Variants in DDHD2 observed in about 807,000 individuals in gnomAD.
DDHD2 encodes DDHD domain containing 2.
A neutral mutation model predicts 91.2 loss-of-function variants in DDHD2; 62 were observed. That is an observed-to-expected ratio of 0.68 (90% CI 0.55 to 0.84). DDHD2 has a LOEUF of 0.84. Ranked by LOEUF, DDHD2 falls within the 40% of genes least tolerant of loss-of-function variation. DDHD2 has a pLI of 0.00. For synonymous variants in DDHD2, 271 were observed against 293.9 expected (o/e 0.92, Z 0.80); for missense variants, 740 against 846.9 (o/e 0.87, Z 1.57).
At chr8:38,269,491 G>A (rs1808351327) in intron 1 of DDHD2, among the ~76,000 whole-genome samples, 1 of 152,204 alleles carries the variant, frequency 6.6e-6, no homozygotes, top group African/African-American at 2.4e-5. Flanking sequence ...CCACCGCGGG[G>A]AGCAGCCTTC....
chr8:38,266,043 C>T, downstream of DDHD2: 1 of 1,114,692 alleles, frequency 9.0e-7, no homozygotes. Flanking sequence ...TTAATTTGTT[C>T]ATTCAGCAGA....
At chr8:38,267,548 G>A (rs550154473), downstream of DDHD2, 2 of 793,308 alleles carry the variant, frequency 2.5e-6, no homozygotes, top group South Asian at 3.9e-5. Context: ...TAAGAGAAAA[G>A]CCTTTCAAGG....
intron 3 of DDHD2, among the ~76,000 whole-genome samples, chr8:38,235,149 G>C (rs1450115712): frequency 3.3e-5 from 5 of 152,120 alleles, no homozygotes; most frequent in Non-Finnish European, 5.9e-5. Flanking sequence ...ATATAACTCA[G>C]AATTGTATGT....
At chr8:38,264,254 T>A (rs1396688586), downstream of DDHD2, 8 of 741,978 alleles carry the variant, frequency 1.1e-5, no homozygotes, top group Admixed American at 1.7e-4. Context: ...TTCAAGCAAT[T>A]CTCCTACCTC....
rs201121892 is a variant in DDHD2, at chr8:38,234,566, C to G, written c.393C>G (p.Ser131Arg). 6.0e-5 allele frequency: 97 copies of G among 1,608,288 alleles called. No individual in the cohort carries two copies. The highest frequency in any genetic ancestry group is 1.6e-4 in the Middle Eastern group (1 of 6,080). The change falls in exon 3 of 18, where the codon AGC (serine) becomes AGG (arginine). Residue 131 changes from serine (S) to arginine (R), a missense_variant. By Grantham distance (110) the Ser-to-Arg change is moderately radical. Transcript: ENST00000397166. ...KDNKYVPYSESFSQVLEETYM... is the reference protein window; with the variant it reads ...KDNKYVPYSERFSQVLEETYM... ...ATAAGTATGTTCCCTACTCGGAGAG[C>G]TTCAGCCAAGTTTTAGAGGTATTCT...
downstream of DDHD2, chr8:38,271,552 G>A (rs1808483270): frequency 6.6e-6 from 1 of 152,066 alleles, no homozygotes; most frequent in Non-Finnish European, 1.5e-5. Flanking sequence ...GTATTCCCTA[G>A]TCCATCTGAA....
chr8:38,272,591 C>T (rs908997724), downstream of DDHD2: 12 of 152,204 alleles, frequency 7.9e-5, no homozygotes, highest in African/African-American at 2.7e-4. Context: ...CTTACTGATC[C>T]AGTTTCTGAA....
At chr8:38,272,673 T>A (rs1808511308), downstream of DDHD2, 1 of 152,204 alleles carries the variant, frequency 6.6e-6, no homozygotes, top group Non-Finnish European at 1.5e-5. Context: ...TTAAAAAAAA[T>A]ACCACCATTA....
At position 38,249,765 on chromosome 8, in the gene DDHD2, A is replaced by C. The variant is rs751444042; in HGVS notation, c.1306A>C (p.Lys436Gln). The change falls in exon 11 of 18, where the codon AAG becomes CAG. Residue 436 changes from lysine (K) to glutamine (Q), a missense_variant. By Grantham distance (53) the Lys-to-Gln change is moderately conservative (BLOSUM62 1). This residue lies in a region of DDHD2 where 693 missense variants were observed against 764.2 expected (regional missense o/e 0.91). Coordinates refer to ENST00000397166, the MANE Select transcript of DDHD2 (RefSeq NM_015214.3). The stretch of plus-strand genomic sequence containing the variant: ...AGGAATTCCTTTAGGACCAAGAAAG[A>C]AGATATTAAACTATTTCAGCACCAG... ...EIGIPLGPRK[K>Q]ILNYFSTRKN... is the part of the protein sequence containing the mutation. 23 of 1,612,292 alleles carry C rather than the reference A, an allele frequency of 1.4e-5. No homozygotes were observed. The highest frequency in any genetic ancestry group is 1.0e-4 in the Admixed American group (6 of 59,958).
At chr8:38,249,460 T>G (rs1351823449) in intron 10 of DDHD2, among the ~76,000 whole-genome samples, 1 of 151,674 alleles carries the variant, frequency 6.6e-6, no homozygotes, top group Non-Finnish European at 1.5e-5. Flanking sequence ...TCTCTGTTTT[T>G]TTTTTTTTTT....
At chr8:38,265,366 C>T (rs1401431429), downstream of DDHD2, among the ~76,000 whole-genome samples, 1 of 151,508 alleles carries the variant, frequency 6.6e-6, no homozygotes, top group East Asian at 1.9e-4. Context: ...ATACCTCCAG[C>T]GTTTTTTTTG....
downstream of DDHD2, chr8:38,266,504 G>T (rs1189018441): frequency 5.6e-6 from 3 of 531,276 alleles, no homozygotes; most frequent in Non-Finnish European, 1.0e-5. Flanking sequence ...GGGTTCAAGC[G>T]ATTCTCCTGC....
At chr8:38,268,358 G>C (rs1808045440) in intron 1 of DDHD2, 4 of 1,558,232 alleles carry the variant, frequency 2.6e-6, no homozygotes, top group Non-Finnish European at 3.5e-6. Context: ...GGCCCGAAAG[G>C]GCTAGCGCTC....
intron 1 of DDHD2, among the ~76,000 whole-genome samples, chr8:38,232,319 A>C (rs945779501): frequency 1.3e-5 from 2 of 152,212 alleles, no homozygotes; most frequent in Non-Finnish European, 2.9e-5. Context: ...AGGTAGAAAC[A>C]GCTGGTCAGA....
At chr8:38,232,852 C>T in intron 1 of DDHD2, 135 bp from the exon 2 acceptor site, 1 of 636,946 alleles carries the variant, frequency 1.6e-6, no homozygotes, top group Non-Finnish European at 2.7e-6. Flanking sequence ...TGTTATTTCT[C>T]TTTTAAATTA....
At chr8:38,257,733 C>T (rs181791392) in intron 16 of DDHD2, among the ~76,000 whole-genome samples, 123 of 139,816 alleles carry the variant, frequency 8.8e-4, no homozygotes, top group African/African-American at 3.2e-3. Context: ...GGTGTGATCT[C>T]GGCTCACTGC....
chr8:38,267,909 A>G, intron 1 of DDHD2: 8 of 1,614,042 alleles, frequency 5.0e-6, no homozygotes, highest in Non-Finnish European at 6.8e-6. Flanking sequence ...CCCTACGATC[A>G]GTTTTATTGT....
chr8:38,234,304 A>G, intron 2 of DDHD2, 90 bp from the exon 3 acceptor site: 1 of 975,964 alleles, frequency 1.0e-6, no homozygotes, highest in African/African-American at 1.7e-5. Flanking sequence ...CATGTGTTTC[A>G]TAACATTATT....
chr8:38,249,202 T>C (rs866293306), intron 10 of DDHD2, among the ~76,000 whole-genome samples: 1 of 151,846 alleles, frequency 6.6e-6, no homozygotes, highest in South Asian at 2.1e-4. Context: ...AAGCTCTGCC[T>C]TCCGGGTTCA....
Sources: allele counts gnomAD v4.1 joint callset (sites outside exome capture counted in the v4.1 genomes callset), GRCh38; gene constraint gnomAD v4.1.1; regional missense constraint gnomAD v4.1.1; transcripts MANE v1.5; gene names NCBI Gene and HGNC (gene_info 2026-07-23, HGNC 2026-07-21).